The following RAB38 variants were observed in gnomAD, a reference collection of about 807,000 sequenced individuals.
RAB38 encodes the protein RAB38, member RAS oncogene family.
Under a neutral mutation model 18.4 loss-of-function variants are expected in RAB38, and 15 were observed. The ratio of observed to expected loss-of-function variants is 0.82; its 90% CI spans 0.55 to 1.26. The LOEUF is 1.26. RAB38 is among the 50% of genes most tolerant of loss of function. The probability of loss-of-function intolerance (pLI) is 0.00; values close to 1 mark genes in which losing one functional copy is unlikely to be tolerated. For missense variants in RAB38, 294 were observed against 267.4 expected (o/e 1.10, Z -0.69); for synonymous variants, 101 against 104.4 (o/e 0.97, Z 0.20).
At chr11:88,149,538 GA>G (rs1195164201) in intron 2 of RAB38, 136 bp downstream of exon 2, 1 of 1,041,426 alleles carries the variant, frequency 9.6e-7, no homozygotes, top group East Asian at 2.6e-5. Context: ...ACTGAGATGA[GA>G]AAGAGCTTAG....
At chr11:87,837,682 C>T in the RAB38 span, among the ~76,000 whole-genome samples, 1 of 152,096 alleles carries the variant, frequency 6.6e-6, no homozygotes, top group Non-Finnish European at 1.5e-5. Flanking sequence ...TATACATAGG[C>T]TATCTATGTA....
chr11:88,043,870 G>T, the RAB38 span, among the ~76,000 whole-genome samples: 35 of 152,252 alleles, frequency 2.3e-4, no homozygotes, highest in African/African-American at 7.9e-4. Flanking sequence ...CCTACTCTTT[G>T]CTCTGAGAGA....
At chr11:87,854,648 C>G in the RAB38 span, among the ~76,000 whole-genome samples, 1 of 151,956 alleles carries the variant, frequency 6.6e-6, no homozygotes, top group East Asian at 1.9e-4. Flanking sequence ...ATTTTTCTAC[C>G]ATGAAAAACA....
At chr11:88,149,640 G>T in intron 2 of RAB38, 35 bp downstream of exon 2, 1 of 1,568,696 alleles carries the variant, frequency 6.4e-7, no homozygotes, top group Non-Finnish European at 8.7e-7. Context: ...TGTGAACCTT[G>T]CTTATATTAA....
rs536976895 is a variant in RAB38 at position 88,167,055 on chromosome 11, A to G, written c.202+8128T>C. ...GAAAAAGACATTCCAATGCAATAGT[A>G]AACTATTTCTATCTGGAGTAATCAT... On this transcript the variant is annotated intron_variant, in intron 1 of 2. Coordinates refer to ENST00000243662, the MANE Select transcript of RAB38 (RefSeq NM_022337.3). The G allele has an allele frequency of 7.9e-5, 12 of 152,308 alleles. No individual in the cohort carries two copies. The South Asian group carries it at 8.3e-4, about 11-fold the overall frequency. 9.4% of individuals were successfully genotyped at this position (152,308 alleles called of 1,614,324 possible). A position where few individuals can be genotyped will look rare whatever the true frequency, so the allele number is the denominator to read the frequency against.
At chr11:88,104,849 C>A in the RAB38 span, among the ~76,000 whole-genome samples, 1 of 152,136 alleles carries the variant, frequency 6.6e-6, no homozygotes, top group East Asian at 1.9e-4. Flanking sequence ...GTTTCCTTTG[C>A]CAAAGAGAAT....
chr11:88,069,456 A>G, the RAB38 span, among the ~76,000 whole-genome samples: 1 of 152,236 alleles, frequency 6.6e-6, no homozygotes, highest in Non-Finnish European at 1.5e-5. Context: ...ACTGGCGGGC[A>G]GCTCCAACCA....
At chr11:87,824,605 A>G in the RAB38 span, among the ~76,000 whole-genome samples, 2 of 152,198 alleles carry the variant, frequency 1.3e-5, no homozygotes, top group African/African-American at 4.8e-5. Flanking sequence ...ACACTAAGAG[A>G]TTAAGAGAGA....
intron 2 of RAB38, among the ~76,000 whole-genome samples, chr11:88,123,850 T>A (rs1024501123): frequency 2.6e-5 from 4 of 152,226 alleles, no homozygotes; most frequent in African/African-American, 7.2e-5. Context: ...ATATAGTACA[T>A]ATAATGATTT....
At chr11:88,052,574 A>G in the RAB38 span, among the ~76,000 whole-genome samples, 73,067 of 151,804 alleles carry the variant, frequency 0.48, 18,915 homozygotes, top group South Asian at 0.63. Flanking sequence ...TTTGAATTTT[A>G]TCAAATAGAT....
chr11:87,941,214 G>GAGATATATATATATATATATATATAT, the RAB38 span, among the ~76,000 whole-genome samples: 12 of 62,532 alleles, frequency 1.9e-4, no homozygotes, highest in Non-Finnish European at 2.8e-4. Context: ...AAATATATGA[G>GAGATATATATATATATATATATATAT]ATATATATAT....
chr11:88,041,287 C>G, the RAB38 span, among the ~76,000 whole-genome samples: 30 of 152,178 alleles, frequency 2.0e-4, no homozygotes, highest in Non-Finnish European at 2.4e-4. Flanking sequence ...ACTGCCCTTC[C>G]CCTCTGTAAT....
the RAB38 span, among the ~76,000 whole-genome samples, chr11:87,808,584 C>G: frequency 9.8e-3 from 1,492 of 152,184 alleles, 22 homozygotes; most frequent in African/African-American, 0.034. Flanking sequence ...TCAAAGATTA[C>G]AAAATTTGAG....
intron 2 of RAB38, among the ~76,000 whole-genome samples, chr11:88,123,623 T>C (rs971333612): frequency 2.0e-5 from 3 of 152,104 alleles, no homozygotes; most frequent in African/African-American, 7.2e-5. Flanking sequence ...TAGGTTGAAG[T>C]CCTAATTTTG....
intron 1 of RAB38, among the ~76,000 whole-genome samples, chr11:88,169,140 A>G (rs1943279314): frequency 6.6e-6 from 1 of 152,180 alleles, no homozygotes; most frequent in Non-Finnish European, 1.5e-5. Context: ...GTACTATCTG[A>G]CTTGGAGACT....
the RAB38 span, among the ~76,000 whole-genome samples, chr11:87,830,893 G>T: frequency 6.6e-6 from 1 of 152,028 alleles, no homozygotes; most frequent in African/African-American, 2.4e-5. Flanking sequence ...CCATCTCCAT[G>T]GCTCAAGTGA....
the RAB38 span, among the ~76,000 whole-genome samples, chr11:87,812,183 T>C: frequency 6.6e-6 from 1 of 152,238 alleles, no homozygotes; most frequent in Non-Finnish European, 1.5e-5. Flanking sequence ...CTTCATTTCA[T>C]AATTTGTAAA....
At chr11:88,084,160 G>A in the RAB38 span, among the ~76,000 whole-genome samples, 2 of 151,794 alleles carry the variant, frequency 1.3e-5, no homozygotes, top group African/African-American at 2.4e-5. Context: ...GTGACAATAA[G>A]GCTTAATGCA....
chr11:88,160,709 C>G (rs542559396), intron 1 of RAB38, among the ~76,000 whole-genome samples: 1 of 152,140 alleles, frequency 6.6e-6, no homozygotes, highest in South Asian at 2.1e-4. Context: ...AGGCCATTAC[C>G]CTAAGTGAAT....
Sources: allele counts gnomAD v4.1 joint callset (sites outside exome capture counted in the v4.1 genomes callset), GRCh38; gene constraint gnomAD v4.1.1; transcripts MANE v1.5; gene names NCBI Gene and HGNC (gene_info 2026-07-23, HGNC 2026-07-21).